Variants in TTC19 observed in about 807,000 individuals in gnomAD.
TTC19 encodes the protein tetratricopeptide repeat domain 19.
In TTC19, 38 loss-of-function variants were observed where a neutral mutation model predicts 49.5. That is an observed-to-expected ratio of 0.77 (90% CI 0.59 to 1.01). The LOEUF (loss-of-function observed/expected upper bound fraction) is 1.01, where lower values mean the gene tolerates loss of function less well. TTC19 is among the 50% of genes least tolerant of loss of function. TTC19 has a pLI of 0.00. For missense variants in TTC19, 475 were observed against 477.7 expected (o/e 0.99, Z 0.05); for synonymous variants, 204 against 185.2 (o/e 1.10, Z -0.83).
intron 7 of TTC19, among the ~76,000 whole-genome samples, chr17:16,018,914 C>G (rs1323131517): frequency 6.6e-6 from 1 of 152,176 alleles, no homozygotes; most frequent in Non-Finnish European, 1.5e-5. Flanking sequence ...CAATATTTTA[C>G]CATATTTGCT....
intron 2 of TTC19, among the ~76,000 whole-genome samples, chr17:16,042,986 G>C (rs1278389585): frequency 6.6e-6 from 1 of 152,108 alleles, no homozygotes; most frequent in Admixed American, 6.6e-5. Flanking sequence ...TGAGGAGAAA[G>C]GGGCTAAGAA....
downstream of TTC19, chr17:16,032,611 G>A: frequency 1.2e-6 from 1 of 836,334 alleles, no homozygotes; most frequent in Non-Finnish European, 1.8e-6. Flanking sequence ...AAAGCAAAAT[G>A]AATACAACAC....
chr17:16,008,315 G>A (rs941252035), intron 7 of TTC19, among the ~76,000 whole-genome samples: 2 of 152,034 alleles, frequency 1.3e-5, no homozygotes, highest in South Asian at 2.1e-4. Context: ...CAGTTTTGCC[G>A]CTCACAACTT....
intron 7 of TTC19, among the ~76,000 whole-genome samples, chr17:16,019,933 C>G (rs1471177626): frequency 1.3e-5 from 2 of 150,022 alleles, no homozygotes; most frequent in Non-Finnish European, 3.0e-5. Flanking sequence ...TGGAGACCAG[C>G]CTGGCCAATA....
At chr17:16,031,428 T>C (rs1432266565), downstream of TTC19, 1 of 193,616 alleles carries the variant, frequency 5.2e-6, no homozygotes, top group Non-Finnish European at 1.1e-5. Context: ...TCAAATTTAT[T>C]TCAAAACAAA....
At position 16,011,215 on chromosome 17, in the gene TTC19, C is replaced by G. The variant is rs145775984; in HGVS notation, c.676+4647C>G. On this transcript the variant is annotated intron_variant, in intron 7 of 9. Transcript: ENST00000261647. ...GTTTTTGTTGAGACGGAGTCTCACT[C>G]TGTCACCCAGGCTGGAGTGCAGTGG... Among the ~76,000 whole-genome samples the G allele has an allele frequency of 3.3e-3, 500 of 152,342 alleles. 2 individuals carry two copies. Among genetic ancestry groups the G allele is most frequent in the African/African-American group, 0.011 (475 of 41,566 alleles).
rs183625954 is a variant in TTC19, at chr17:16,039,049, G to A, written c.248-5454G>A. Among the ~76,000 whole-genome samples, 444 of 152,328 alleles carry A rather than the reference G, an allele frequency of 2.9e-3. 2 individuals are homozygous for A. Among genetic ancestry groups the A allele is most frequent in the African/African-American group, 0.01 (421 of 41,574 alleles). On this transcript the variant is annotated intron_variant, in intron 2 of 2. Transcript: ENST00000470649. Reference sequence around the variant, plus strand: ...CCCCCAAAGTGCTGGGATTACAGGCGTGAACCACCGCACCCGGCTGGCTTA... The same window carrying A: ...CCCCCAAAGTGCTGGGATTACAGGCATGAACCACCGCACCCGGCTGGCTTA...
intron 2 of TTC19, among the ~76,000 whole-genome samples, chr17:16,036,415 G>A (rs1239682868): frequency 1.3e-5 from 2 of 152,156 alleles, no homozygotes; most frequent in African/African-American, 4.8e-5. Flanking sequence ...AATGGTAAAG[G>A]AGCACTGGCT....
Position 15,999,974 on chromosome 17 carries a change from G to A in TTC19, c.126G>A (p.Val42=). 2 of 1,293,732 alleles carry A rather than the reference G, an allele frequency of 1.5e-6. No homozygotes were observed. The highest frequency in any genetic ancestry group is 2.4e-5 in the South Asian group (1 of 41,232). The allele number at this position is 1,293,732 out of a possible 1,614,324, so 80.1% of individuals were successfully genotyped here. ...LAGGPGPEVQ[V]PPSRVAPHGR... ...GAGGTCCGGGGCCCGAGGTGCAGGT[G>A]CCGCCATCCCGAGTCGCGCCGCACG... Residue 42 remains valine, a synonymous_variant, in exon 1 of 10, where the codon GTG becomes GTA. Transcript: ENST00000261647.
intron 7 of TTC19, among the ~76,000 whole-genome samples, chr17:16,012,163 AGGG>A (rs1177364740): frequency 6.6e-6 from 1 of 152,072 alleles, no homozygotes; most frequent in Non-Finnish European, 1.5e-5. Context: ...TCTAATAAAA[AGGG>A]AATGTGAAAT....
rs766241698 is a variant in TTC19 at position 16,000,044 on chromosome 17, GGGCCGGGCGGGGCC to G, written c.184+25_184+38del. ...GCCGCTGCTGGCAGGTGAGGGGCGCGGGCCGGGCGGGGCCGGCCGGGCGGGGACAGGGGCGCGGG... is the reference window on the plus strand; with the variant it reads ...GCCGCTGCTGGCAGGTGAGGGGCGCGGGCCGGGCGGGGACAGGGGCGCGGG... On this transcript the variant is annotated intron_variant, in intron 1 of 9. Transcript: ENST00000261647. The G allele has an allele frequency of 4.2e-4, 533 of 1,261,844 alleles. 5 individuals carry two copies. The African/African-American group carries it at 6.9e-3, about 16-fold the overall frequency. The allele number at this position is 1,261,844 out of a possible 1,614,324, so 78.2% of individuals were successfully genotyped here. A position where few individuals can be genotyped will look rare whatever the true frequency, so the allele number is the denominator to read the frequency against.
At chr17:16,012,766 G>C (rs559255870) in intron 7 of TTC19, among the ~76,000 whole-genome samples, 1 of 151,976 alleles carries the variant, frequency 6.6e-6, no homozygotes, top group Admixed American at 6.6e-5. Flanking sequence ...TCGAACTGCC[G>C]ACCTCAGGTG....
At chr17:16,012,474 G>T (rs1037089917) in intron 7 of TTC19, among the ~76,000 whole-genome samples, 3 of 152,118 alleles carry the variant, frequency 2.0e-5, no homozygotes, top group Admixed American at 2.0e-4. Context: ...GCAAGACCCT[G>T]TCTTGGGGCT....
At chr17:16,023,242 C>T (rs1487378498) in intron 7 of TTC19, 1 of 152,150 alleles carries the variant, frequency 6.6e-6, no homozygotes, top group African/African-American at 2.4e-5. Context: ...CTAAATTGTA[C>T]CTCACTGTTT....
intron 8 of TTC19, among the ~76,000 whole-genome samples, chr17:16,025,823 T>C (rs1047909155): frequency 3.3e-5 from 5 of 152,204 alleles, no homozygotes; most frequent in African/African-American, 1.2e-4. Context: ...CTGGGGTACA[T>C]GGGTAGGGTG....
chr17:16,028,177 G>A lies in TTC19; in HGVS notation c.*655G>A, dbSNP rs1349227823. 6.6e-6 allele frequency: 3 copies of A among 453,984 alleles called. No individual in the cohort carries two copies. Among genetic ancestry groups the A allele is most frequent in the Admixed American group, 4.7e-5 (2 of 42,564 alleles). 28.1% of individuals were successfully genotyped at this position (453,984 alleles called of 1,614,324 possible). ...TGGTTATATAAAACTAAAAATGGGG[G>A]TGTTTATATAAAACTAAAAACTAAG... is the stretch of plus-strand genomic sequence containing the variant. On this transcript the variant is annotated 3_prime_UTR_variant, in exon 10 of 10. Transcript: ENST00000261647.
intron 2 of TTC19, among the ~76,000 whole-genome samples, chr17:16,044,025 C>G (rs555818609): frequency 6.6e-6 from 1 of 151,876 alleles, no homozygotes; most frequent in Non-Finnish European, 1.5e-5. Context: ...CAAAATTAGC[C>G]GGATATGGTG....
At chr17:16,035,526 T>C (rs1020965985) in intron 2 of TTC19, among the ~76,000 whole-genome samples, 5 of 149,954 alleles carry the variant, frequency 3.3e-5, no homozygotes, top group African/African-American at 1.2e-4. Context: ...CTAGTTCTCT[T>C]GTTCTTTTTT....
rs189189981 is a variant in TTC19 at position 16,027,822 on chromosome 17, T to C, written c.*300T>C. ...AGTAGAACTGTAGATTCATATGGGC[T>C]GGTGTTCCTGTGCGCTGTGGGTGTG... is the stretch of plus-strand genomic sequence containing the variant. On this transcript the variant is annotated 3_prime_UTR_variant, in exon 10 of 10. Coordinates refer to ENST00000261647, the MANE Select transcript of TTC19 (RefSeq NM_017775.4). 3.2e-5 allele frequency: 16 copies of C among 500,662 alleles called. No homozygotes were observed. Among genetic ancestry groups the C allele is most frequent in the Non-Finnish European group, 5.5e-5 (14 of 256,422 alleles). The allele number at this position is 500,662 out of a possible 1,614,324, so 31.0% of individuals were successfully genotyped here. A position where few individuals can be genotyped will look rare whatever the true frequency, so the allele number is the denominator to read the frequency against.
Sources: gnomAD v4.1 joint callset for allele counts (sites outside exome capture counted in the v4.1 genomes callset) on GRCh38, gnomAD v4.1.1 for gene constraint, MANE v1.5 for transcripts, NCBI Gene and HGNC (gene_info 2026-07-23, HGNC 2026-07-21) for gene names.